MALRD1: variants seen among roughly 807,000 people sequenced by gnomAD.
MALRD1 encodes the protein MAM and LDL receptor class A domain containing 1.
MALRD1 carries 247 observed loss-of-function variants against 242.1 expected under a neutral mutation model. That is an observed-to-expected ratio of 1.02 (90% CI 0.92 to 1.13). MALRD1 has a LOEUF of 1.13. Among genes scored for constraint, MALRD1 ranks in the 50% most tolerant of loss-of-function variants. MALRD1 has a pLI of 0.00. For missense variants in MALRD1, 2,989 were observed against 2,533.1 expected, an observed-to-expected ratio of 1.18 and a Z score of -3.86; for synonymous variants, 995 against 866.6, an observed-to-expected ratio of 1.15 and a Z score of -2.60.
chr10:19,662,027 T>C (rs1841464688), intron 36 of MALRD1, among the ~76,000 whole-genome samples: 1 of 152,140 alleles, frequency 6.6e-6, no homozygotes, highest in Non-Finnish European at 1.5e-5. Flanking sequence ...CACATACTCC[T>C]TCATTTTTAT....
At chr10:19,323,048 C>T (rs1842968064) in intron 21 of MALRD1, among the ~76,000 whole-genome samples, 3 of 151,860 alleles carry the variant, frequency 2.0e-5, no homozygotes, top group Admixed American at 6.6e-5. Flanking sequence ...AAAAAAAAAT[C>T]GTATTTAATT....
chr10:19,437,914 C>T (rs995905678), intron 28 of MALRD1, among the ~76,000 whole-genome samples: 6 of 152,128 alleles, frequency 3.9e-5, no homozygotes, highest in Admixed American at 6.6e-5. Flanking sequence ...TTTACATCCT[C>T]AAATTGCCCC....
At chr10:19,615,606 T>A (rs937751997) in intron 35 of MALRD1, among the ~76,000 whole-genome samples, 1 of 151,012 alleles carries the variant, frequency 6.6e-6, no homozygotes, top group African/African-American at 2.4e-5. Flanking sequence ...AATAATTTTT[T>A]AAAAAGTCTT....
At chr10:19,218,140 G>C (rs1275854271) in intron 18 of MALRD1, among the ~76,000 whole-genome samples, 1 of 151,758 alleles carries the variant, frequency 6.6e-6, no homozygotes, top group Non-Finnish European at 1.5e-5. Flanking sequence ...TATATAAGAG[G>C]CTTCAATAAT....
intron 31 of MALRD1, among the ~76,000 whole-genome samples, chr10:19,530,376 T>G (rs937267822): frequency 4.4e-5 from 4 of 89,928 alleles, no homozygotes; most frequent in African/African-American, 3.1e-4. Flanking sequence ...AATATTTATA[T>G]AAATATTATA....
intron 31 of MALRD1, among the ~76,000 whole-genome samples, chr10:19,512,622 A>T (rs1315307129): frequency 1.3e-5 from 2 of 152,230 alleles, no homozygotes; most frequent in Non-Finnish European, 2.9e-5. Flanking sequence ...CTGTCTAACC[A>T]GGAAACATAC....
At chr10:19,242,119 T>C (rs779370015) in intron 18 of MALRD1, among the ~76,000 whole-genome samples, 1 of 152,178 alleles carries the variant, frequency 6.6e-6, no homozygotes, top group East Asian at 1.9e-4. Context: ...AGAGGTTTAG[T>C]GGACTCATAG....
intron 31 of MALRD1, among the ~76,000 whole-genome samples, chr10:19,524,393 C>T (rs1457603004): frequency 6.6e-6 from 1 of 152,056 alleles, no homozygotes; most frequent in African/African-American, 2.4e-5. Context: ...ACGAGAATCA[C>T]TTGAACCCAA....
chr10:19,164,265 A>T (rs555546104), intron 12 of MALRD1, among the ~76,000 whole-genome samples: 11 of 152,278 alleles, frequency 7.2e-5, no homozygotes, highest in African/African-American at 2.4e-4. Flanking sequence ...GTGTTTTAAA[A>T]TGAACAATTT....
intron 7 of MALRD1, among the ~76,000 whole-genome samples, chr10:19,126,522 T>C (rs1315090567): frequency 1.3e-5 from 2 of 152,104 alleles, no homozygotes; most frequent in African/African-American, 2.4e-5. Context: ...CTTAATTTAT[T>C]TTTGTTTTAA....
chr10:19,300,275 A>T (rs918259303), intron 21 of MALRD1, among the ~76,000 whole-genome samples: 1 of 151,962 alleles, frequency 6.6e-6, no homozygotes, highest in Non-Finnish European at 1.5e-5. Context: ...AATCAATGTT[A>T]AAATGGCTAT....
intron 26 of MALRD1, among the ~76,000 whole-genome samples, chr10:19,371,700 G>A (rs1845387711): frequency 6.6e-6 from 1 of 151,978 alleles, no homozygotes. Flanking sequence ...TTCTATAATT[G>A]TCTTTTTAAA....
chr10:19,601,371 G>C (rs1233396772), intron 34 of MALRD1, among the ~76,000 whole-genome samples: 1 of 151,748 alleles, frequency 6.6e-6, no homozygotes, highest in East Asian at 1.9e-4. Context: ...AAAGTAAATG[G>C]CTCAGATTAT....
At chr10:19,127,622 T>C (rs34679218) in intron 7 of MALRD1, among the ~76,000 whole-genome samples, 7,921 of 152,222 alleles carry the variant, frequency 0.052, 421 homozygotes, top group Admixed American at 0.17. Flanking sequence ...TGTTATTAAG[T>C]TCAAGAACAG....
rs145739170 is a variant in MALRD1, at chr10:19,320,999, A to C, written c.3420-2950A>C. Among the ~76,000 whole-genome samples the C allele has an allele frequency of 2.0e-5, 3 of 151,720 alleles. No homozygotes were observed. In the East Asian group the frequency reaches 5.8e-4, roughly 29 times the overall value. On this transcript the variant is annotated intron_variant, in intron 21 of 39. Transcript: ENST00000454679. ...CTTTGTCAGATGGTTATATTGCAAA[A>C]ATTTTCTCCCATTCTGTAGGTTGCC...
intron 21 of MALRD1, among the ~76,000 whole-genome samples, chr10:19,301,940 A>C (rs1588879241): frequency 6.6e-6 from 1 of 151,922 alleles, no homozygotes; most frequent in African/African-American, 2.4e-5. Context: ...ACCTACTTTA[A>C]AATAGGAAAA....
chr10:19,645,498 A>G (rs938582698), intron 36 of MALRD1, among the ~76,000 whole-genome samples: 4 of 152,236 alleles, frequency 2.6e-5, no homozygotes, highest in African/African-American at 9.6e-5. Context: ...ACAGTGATAG[A>G]CTGGATTAAG....
chr10:19,060,336 G>T (rs1174816342), intron 1 of MALRD1, among the ~76,000 whole-genome samples: 1 of 152,226 alleles, frequency 6.6e-6, no homozygotes, highest in Non-Finnish European at 1.5e-5. Context: ...TTTGAGCTCA[G>T]CTTCCCTGCT....
intron 32 of MALRD1, among the ~76,000 whole-genome samples, chr10:19,564,815 G>C (rs1836179749): frequency 6.6e-6 from 1 of 152,054 alleles, no homozygotes; most frequent in Admixed American, 6.6e-5. Flanking sequence ...ACTTTGCTGA[G>C]AGTTATCACA....
Sources: allele counts gnomAD v4.1 joint callset (sites outside exome capture counted in the v4.1 genomes callset), GRCh38; gene constraint gnomAD v4.1.1; transcripts MANE v1.5; gene names NCBI Gene and HGNC (gene_info 2026-07-23, HGNC 2026-07-21).